Variants in TENM3 observed in about 807,000 individuals in gnomAD.
The protein encoded by TENM3 is teneurin transmembrane protein 3.
TENM3 carries 63 observed loss-of-function variants against 255.1 expected under a neutral mutation model. The ratio of observed to expected loss-of-function variants is 0.25; its 90% CI spans 0.20 to 0.30. The LOEUF is 0.30. Among genes scored for constraint, TENM3 ranks in the 10% least tolerant of loss-of-function variants. The pLI, the probability that TENM3 is intolerant of heterozygous loss-of-function variation, is 1.00. For synonymous variants in TENM3, 1,306 were observed against 1,322.3 expected (o/e 0.99, Z 0.27); for missense variants, 2,929 against 3,461.1 (o/e 0.85, Z 3.86).
the TENM3 span, among the ~76,000 whole-genome samples, chr4:181,883,012 A>G: frequency 6.6e-6 from 1 of 152,144 alleles, no homozygotes. Flanking sequence ...AATTTTTTCA[A>G]TAGATAAATA....
At chr4:181,493,371 A>G in the TENM3 span, among the ~76,000 whole-genome samples, 2 of 151,984 alleles carry the variant, frequency 1.3e-5, no homozygotes, top group Non-Finnish European at 2.9e-5. Flanking sequence ...TAACACAAAA[A>G]TGATAGAATT....
chr4:182,299,244 G>C (rs1307630350), intron 1 of TENM3, among the ~76,000 whole-genome samples: 1 of 151,706 alleles, frequency 6.6e-6, no homozygotes, highest in Non-Finnish European at 1.5e-5. Flanking sequence ...TTCAAGCAGG[G>C]GCATGCGTAC....
chr4:182,153,327 G>C (rs1750472233), intron 1 of TENM3, among the ~76,000 whole-genome samples: 1 of 151,964 alleles, frequency 6.6e-6, no homozygotes, highest in South Asian at 2.1e-4. Flanking sequence ...TAACAAAAAA[G>C]TTACTACAAA....
chr4:182,791,857 G>A (rs1024122927), intron 25 of TENM3, among the ~76,000 whole-genome samples: 1 of 152,010 alleles, frequency 6.6e-6, no homozygotes, highest in Non-Finnish European at 1.5e-5. Context: ...ACTCAGATGA[G>A]GGGGGGAAAG....
chr4:182,719,589 A>T (rs923805326), intron 13 of TENM3, among the ~76,000 whole-genome samples: 4 of 151,676 alleles, frequency 2.6e-5, no homozygotes, highest in Non-Finnish European at 5.9e-5. Context: ...TAGAATTATT[A>T]CTTTTTGGGG....
chr4:181,937,958 C>G, the TENM3 span, among the ~76,000 whole-genome samples: 1 of 152,194 alleles, frequency 6.6e-6, no homozygotes, highest in Admixed American at 6.5e-5. Flanking sequence ...CCTTTTCCAT[C>G]CAAGGCTCTG....
intron 3 of TENM3, among the ~76,000 whole-genome samples, chr4:182,473,402 C>A (rs7697821): frequency 6.6e-6 from 1 of 152,158 alleles, no homozygotes; most frequent in South Asian, 2.1e-4. Flanking sequence ...GGCCGGGTGC[C>A]GTGGCTCATG....
At chr4:182,451,295 G>A (rs1355231647) in intron 3 of TENM3, among the ~76,000 whole-genome samples, 2 of 151,946 alleles carry the variant, frequency 1.3e-5, no homozygotes, top group Non-Finnish European at 2.9e-5. Flanking sequence ...AATTCTTCTC[G>A]AAGATTTAGA....
At chr4:182,063,615 T>A in the TENM3 span, among the ~76,000 whole-genome samples, 367 of 151,884 alleles carry the variant, frequency 2.4e-3, 2 homozygotes, top group African/African-American at 8.5e-3. Flanking sequence ...CAAATCTATA[T>A]AACAAATTTT....
chr4:181,636,331 C>A, the TENM3 span, among the ~76,000 whole-genome samples: 2 of 152,180 alleles, frequency 1.3e-5, no homozygotes, highest in Non-Finnish European at 2.9e-5. Context: ...GTGTGAGCCA[C>A]CGCCCATGGC....
the TENM3 span, among the ~76,000 whole-genome samples, chr4:181,927,757 C>T: frequency 6.6e-6 from 1 of 152,344 alleles, no homozygotes; most frequent in African/African-American, 2.4e-5. Flanking sequence ...GGTCGACAGA[C>T]ACCTCATACA....
chr4:181,515,995 T>C, the TENM3 span, among the ~76,000 whole-genome samples: 1 of 152,128 alleles, frequency 6.6e-6, no homozygotes, highest in Non-Finnish European at 1.5e-5. Flanking sequence ...TACATATGCA[T>C]CATGGAATAC....
intron 1 of TENM3, among the ~76,000 whole-genome samples, chr4:182,202,686 G>C (rs770943259): frequency 6.6e-6 from 1 of 152,154 alleles, no homozygotes; most frequent in Non-Finnish European, 1.5e-5. Context: ...AGGCACAGGG[G>C]ATCTTGCTGC....
chr4:181,921,739 C>A, the TENM3 span, among the ~76,000 whole-genome samples: 1 of 152,114 alleles, frequency 6.6e-6, no homozygotes, highest in Non-Finnish European at 1.5e-5. Flanking sequence ...CTTCTCCTGA[C>A]TAATTGCCCT....
chr4:182,313,677 C>A (rs560026990), intron 1 of TENM3, among the ~76,000 whole-genome samples: 15 of 150,810 alleles, frequency 9.9e-5, no homozygotes, highest in Non-Finnish European at 2.1e-4. Flanking sequence ...GAAAAAAAAA[C>A]AGCAAATATT....
At chr4:181,816,564 C>CTG in the TENM3 span, among the ~76,000 whole-genome samples, 4 of 152,110 alleles carry the variant, frequency 2.6e-5, no homozygotes, top group East Asian at 7.7e-4. Context: ...AATATGACCA[C>CTG]TGTACCTCCA....
the TENM3 span, among the ~76,000 whole-genome samples, chr4:181,547,490 T>C: frequency 3.3e-4 from 50 of 152,028 alleles, no homozygotes; most frequent in African/African-American, 1.2e-3. Context: ...AATAAGGAAA[T>C]ATAAAATCAA....
chr4:181,498,791 C>A, the TENM3 span, among the ~76,000 whole-genome samples: 1 of 152,116 alleles, frequency 6.6e-6, no homozygotes, highest in Non-Finnish European at 1.5e-5. Flanking sequence ...AAATATCACC[C>A]TGTCAGGGGT....
intron 12 of TENM3, among the ~76,000 whole-genome samples, chr4:182,701,210 C>CTT (rs35538818): frequency 0.091 from 3,502 of 38,558 alleles, 1,364 homozygotes; most frequent in African/African-American, 0.19. Flanking sequence ...CAACTCTTGA[C>CTT]TTTTTTTTTT....
Sources: allele counts gnomAD v4.1 joint callset (sites outside exome capture counted in the v4.1 genomes callset), GRCh38; gene constraint gnomAD v4.1.1; transcripts MANE v1.5; gene names NCBI Gene and HGNC (gene_info 2026-07-23, HGNC 2026-07-21).